Variants in CARMIL1 observed in about 807,000 individuals in gnomAD.
CARMIL1 encodes the protein F-actin-uncapping protein LRRC16A.
In CARMIL1, 90 loss-of-function variants were observed where a neutral mutation model predicts 177.1. The ratio of observed to expected loss-of-function variants is 0.51; its 90% CI spans 0.43 to 0.61. CARMIL1 has a LOEUF of 0.61. Ranked by LOEUF, CARMIL1 falls within the 20% of genes least tolerant of loss-of-function variation. CARMIL1 has a pLI of 0.00. For synonymous variants in CARMIL1, 577 were observed against 606.2 expected, an observed-to-expected ratio of 0.95 and a Z score of 0.71; for missense variants, 1,380 against 1,667.0, an observed-to-expected ratio of 0.83 and a Z score of 3.00.
Position 25,490,332 on chromosome 6 carries a change from CAGAG to C in CARMIL1, c.1066-1391_1066-1388del, listed in dbSNP as rs1050152518. Among the ~76,000 whole-genome samples the C allele has an allele frequency of 3.3e-5, 5 of 151,876 alleles. No individual in the cohort carries two copies. In the South Asian group the frequency reaches 6.2e-4, roughly 19 times the overall value. On this transcript the variant is annotated intron_variant, in intron 13 of 36. Coordinates refer to ENST00000329474, the MANE Select transcript of CARMIL1 (RefSeq NM_017640.6). Reference sequence around the variant, plus strand: ...CTTGAGACAATTTTTGCCAGGCAAACAGAGAGAGAGAGGCAGAGGATCTTCATGT... The same window carrying C: ...CTTGAGACAATTTTTGCCAGGCAAACAGAGAGAGGCAGAGGATCTTCATGT...
At chr6:25,565,835 G>A (rs910398314) in intron 29 of CARMIL1, among the ~76,000 whole-genome samples, 13 of 152,170 alleles carry the variant, frequency 8.5e-5, no homozygotes, top group South Asian at 2.1e-4. Flanking sequence ...GTGAGACTCC[G>A]TCTCAAAAAA....
At chr6:25,346,273 C>A (rs527484016) in intron 2 of CARMIL1, among the ~76,000 whole-genome samples, 1 of 152,160 alleles carries the variant, frequency 6.6e-6, no homozygotes, top group Non-Finnish European at 1.5e-5. Context: ...CTTGTTTCCC[C>A]CTCTGGTCTT....
chr6:25,436,714 G>C (rs1797260672), intron 5 of CARMIL1, among the ~76,000 whole-genome samples: 1 of 152,156 alleles, frequency 6.6e-6, no homozygotes, highest in African/African-American at 2.4e-5. Flanking sequence ...AGAATGGAAG[G>C]CTTGCCCTGT....
intron 11 of CARMIL1, among the ~76,000 whole-genome samples, chr6:25,475,143 C>T (rs1350219372): frequency 3.3e-5 from 5 of 152,198 alleles, no homozygotes; most frequent in African/African-American, 7.2e-5. Flanking sequence ...TGGTGGCTCA[C>T]GCCTGTAATC....
chr6:25,612,856 A>G, intron 36 of CARMIL1: 5 of 985,424 alleles, frequency 5.1e-6, no homozygotes, highest in Non-Finnish European at 6.0e-6. Flanking sequence ...AGTGAATGCA[A>G]TTGGGCACAG....
chr6:25,489,247 C>G (rs1802963568), intron 13 of CARMIL1, among the ~76,000 whole-genome samples: 1 of 152,068 alleles, frequency 6.6e-6, no homozygotes, highest in South Asian at 2.1e-4. Context: ...GGCACATTAA[C>G]TGAACTTTCT....
At chr6:25,433,432 G>A (rs1223240316) in intron 4 of CARMIL1, among the ~76,000 whole-genome samples, 1 of 152,192 alleles carries the variant, frequency 6.6e-6, no homozygotes, top group African/African-American at 2.4e-5. Context: ...CATCAAAAGT[G>A]TCTGGCTTTT....
chr6:25,451,755 G>T (rs1403383234), intron 8 of CARMIL1, among the ~76,000 whole-genome samples: 1 of 151,974 alleles, frequency 6.6e-6, no homozygotes, highest in Non-Finnish European at 1.5e-5. Flanking sequence ...TTAGTAGCAG[G>T]GGTAGCAGGG....
At position 25,619,652 on chromosome 6, in the gene CARMIL1, C is replaced by T; in HGVS notation, c.*69C>T. 7.3e-7 allele frequency: 1 copy of T among 1,374,244 alleles called. No homozygotes were observed. Among genetic ancestry groups the T allele is most frequent in the South Asian group, 1.4e-5 (1 of 69,844 alleles). 85.1% of individuals were successfully genotyped at this position (1,374,244 alleles called of 1,614,324 possible). A position where few individuals can be genotyped will look rare whatever the true frequency, so the allele number is the denominator to read the frequency against. The stretch of plus-strand genomic sequence containing the variant: ...GCCATCAGAGAGGAACCAAGGGCAA[C>T]ATCTTTTCTTCCCAGGCGTTCTTCT... On this transcript the variant is annotated 3_prime_UTR_variant, in exon 37 of 37. Transcript: ENST00000329474.
chr6:25,432,432 G>C (rs1340612009), intron 4 of CARMIL1, among the ~76,000 whole-genome samples: 1 of 152,080 alleles, frequency 6.6e-6, no homozygotes, highest in African/African-American at 2.4e-5. Flanking sequence ...TTGCTCTATT[G>C]AGTTAGCGAA....
At chr6:25,459,276 T>TCTTTCTTTC (rs1210756365) in intron 8 of CARMIL1, among the ~76,000 whole-genome samples, 1 of 134,650 alleles carries the variant, frequency 7.4e-6, no homozygotes, top group Admixed American at 7.8e-5. Flanking sequence ...CTTTTTTTTT[T>TCTTTCTTTC]TTTTAAGACA....
rs529154959 is a variant in CARMIL1 at position 25,459,774 on chromosome 6, A to G, written c.615-6099A>G. Among the ~76,000 whole-genome samples, 6 of 152,266 alleles carry G rather than the reference A, an allele frequency of 3.9e-5. 1 individual carries two copies. The highest frequency in any genetic ancestry group is 4.1e-4 in the South Asian group (2 of 4,826). On this transcript the variant is annotated intron_variant, in intron 8 of 36. Transcript: ENST00000329474. ...TTTGTAGTCTTAAGATGTTTTTGCT[A>G]CCATTTTAAGGAAATGGTAGAAGTA... is the stretch of plus-strand genomic sequence containing the variant.
chr6:25,319,950 C>G (rs1784561260), intron 2 of CARMIL1, among the ~76,000 whole-genome samples: 1 of 152,138 alleles, frequency 6.6e-6, no homozygotes. Flanking sequence ...TAGTTAAGTA[C>G]TGTTTACCCT....
At chr6:25,387,384 CAATG>C (rs1792291156) in intron 2 of CARMIL1, among the ~76,000 whole-genome samples, 1 of 152,168 alleles carries the variant, frequency 6.6e-6, no homozygotes, top group Non-Finnish European at 1.5e-5. Context: ...ATATAAAAGT[CAATG>C]AATAAGTGAA....
rs773608421 is a variant in CARMIL1, at chr6:25,554,614, GC to G, written c.2592+520del. ...ATTTCTTCATCTAGAGACTGGTTCT[GC>G]CTCAAGGTAGGGGATTTTACTTCCA... On this transcript the variant is annotated intron_variant, in intron 28 of 36. Transcript: ENST00000329474. The surrounding 1 kb of genome is among the most constrained non-coding windows in gnomAD (Gnocchi z 4.6). Among the ~76,000 whole-genome samples the G allele has an allele frequency of 6.6e-6, 1 of 152,112 alleles. No homozygotes were observed. Among genetic ancestry groups the G allele is most frequent in the South Asian group, 2.1e-4 (1 of 4,822 alleles).
At chr6:25,411,923 A>G (rs904751668) in intron 2 of CARMIL1, among the ~76,000 whole-genome samples, 1 of 152,144 alleles carries the variant, frequency 6.6e-6, no homozygotes, top group Non-Finnish European at 1.5e-5. Context: ...GGGCTGGAGG[A>G]GAATCCCAGA....
chr6:25,312,039 T>A lies in CARMIL1; in HGVS notation c.138+27130T>A, dbSNP rs79777158. Among the ~76,000 whole-genome samples, 3 of 152,378 alleles carry A rather than the reference T, an allele frequency of 2.0e-5. No individual in the cohort carries two copies. The East Asian group carries it at 5.8e-4, about 29-fold the overall frequency. ...ATTACAACAAAAGGGTAAAATATTG[T>A]CCTGTGCTCATGGAACTTCAAATCT... On this transcript the variant is annotated intron_variant, in intron 2 of 36. Transcript: ENST00000329474.
intron 24 of CARMIL1, among the ~76,000 whole-genome samples, chr6:25,533,390 T>G (rs1422966393): frequency 6.6e-6 from 1 of 152,236 alleles, no homozygotes; most frequent in Non-Finnish European, 1.5e-5. Flanking sequence ...GTTAGTCACT[T>G]ACTCACCTCT....
chr6:25,298,841 G>A (rs1220611942), intron 2 of CARMIL1, among the ~76,000 whole-genome samples: 3 of 148,272 alleles, frequency 2.0e-5, no homozygotes, highest in Non-Finnish European at 4.4e-5. Context: ...CGCAACCTCC[G>A]CCTCCTGGGT....
Sources: allele counts gnomAD v4.1 joint callset (sites outside exome capture counted in the v4.1 genomes callset), GRCh38; gene constraint gnomAD v4.1.1; non-coding constraint Gnocchi (gnomAD v3.1); transcripts MANE v1.5; gene names NCBI Gene and HGNC (gene_info 2026-07-23, HGNC 2026-07-21).